Variants in SULT6B1 observed in about 807,000 individuals in gnomAD.
SULT6B1 encodes the protein sulfotransferase 6B1.
Under a neutral mutation model 37.2 loss-of-function variants are expected in SULT6B1, and 44 were observed. The observed-to-expected ratio is 1.18, with a 90% CI of 0.93 to 1.52. The LOEUF is 1.52. SULT6B1 is among the 40% of genes most tolerant of loss of function. SULT6B1 has a pLI of 0.00. For synonymous variants in SULT6B1, 140 were observed against 126.0 expected (o/e 1.11, Z -0.74); for missense variants, 450 against 361.0 (o/e 1.25, Z -2.00).
intron 4 of SULT6B1, among the ~76,000 whole-genome samples, chr2:37,177,619 C>A (rs1676460441): frequency 6.6e-6 from 1 of 151,980 alleles, no homozygotes; most frequent in Non-Finnish European, 1.5e-5. Context: ...TTATGAGCAT[C>A]TTGAGATCTA....
At chr2:37,178,195 A>T (rs1187213411) in intron 4 of SULT6B1, among the ~76,000 whole-genome samples, 2 of 151,992 alleles carry the variant, frequency 1.3e-5, no homozygotes, top group Non-Finnish European at 2.9e-5. Context: ...CAGGCATGAG[A>T]CACCATGCCT....
At chr2:37,186,213 C>G (rs1676669730) in intron 2 of SULT6B1, among the ~76,000 whole-genome samples, 1 of 152,182 alleles carries the variant, frequency 6.6e-6, no homozygotes, top group South Asian at 2.1e-4. Context: ...TGAGTTCTCT[C>G]TGCCTGTTGG....
chr2:37,168,656 T>C (rs1676232793), intron 6 of SULT6B1, among the ~76,000 whole-genome samples: 1 of 152,204 alleles, frequency 6.6e-6, no homozygotes, highest in Non-Finnish European at 1.5e-5. Context: ...AATGATATTT[T>C]TCTCTGTAAA....
chr2:37,171,296 G>A, intron 6 of SULT6B1, 138 bp downstream of exon 6: 5 of 955,130 alleles, frequency 5.2e-6, no homozygotes, highest in African/African-American at 5.0e-5. Flanking sequence ...CAGCTCTGGA[G>A]AGCCTGTGTC....
At chr2:37,187,811 T>C (rs915564510) in intron 1 of SULT6B1, among the ~76,000 whole-genome samples, 2 of 152,196 alleles carry the variant, frequency 1.3e-5, no homozygotes, top group Non-Finnish European at 2.9e-5. Context: ...AATTAATATG[T>C]ATTTTCTACA....
At chr2:37,170,812 A>G (rs1676279786) in intron 6 of SULT6B1, among the ~76,000 whole-genome samples, 1 of 151,796 alleles carries the variant, frequency 6.6e-6, no homozygotes, top group Non-Finnish European at 1.5e-5. Context: ...CACTCAGCTA[A>G]TACGATTCTG....
At chr2:37,193,829 A>G (rs1006895023) in intron 1 of SULT6B1, among the ~76,000 whole-genome samples, 3 of 152,186 alleles carry the variant, frequency 2.0e-5, no homozygotes, top group Admixed American at 6.5e-5. Flanking sequence ...GAGAACTAGC[A>G]CATCTTTCTA....
At chr2:37,175,395 T>C (rs2148288260) in intron 4 of SULT6B1, among the ~76,000 whole-genome samples, 169 bp from the exon 5 acceptor site, 1 of 152,310 alleles carries the variant, frequency 6.6e-6, no homozygotes, top group South Asian at 2.1e-4. Flanking sequence ...AGTCCCATTG[T>C]CTAAATTTCT....
At chr2:37,193,157 A>T (rs533383714), upstream of SULT6B1, among the ~76,000 whole-genome samples, 1 of 152,244 alleles carries the variant, frequency 6.6e-6, no homozygotes, top group African/African-American at 2.4e-5. Context: ...TGGGAGGCTT[A>T]TTTAAAGTTT....
intron 2 of SULT6B1, among the ~76,000 whole-genome samples, chr2:37,185,459 G>A (rs567272985): frequency 6.6e-6 from 1 of 152,264 alleles, no homozygotes; most frequent in South Asian, 2.1e-4. Flanking sequence ...GCTCATGCCT[G>A]TAATCCCAGC....
chr2:37,183,326 T>C, intron 3 of SULT6B1, 99 bp downstream of exon 3: 1 of 920,554 alleles, frequency 1.1e-6, no homozygotes, highest in South Asian at 1.8e-5. Context: ...GTTCATTTAT[T>C]AAGCTTCTAT....
chr2:37,174,993 T>C lies in SULT6B1; in HGVS notation c.624+139A>G, dbSNP rs537069426. ...ATGTATGCATGGTTTGAATTTTCTTTTCCAGCACTGTACCATATATCTGGA... is the reference window on the plus strand; with the variant it reads ...ATGTATGCATGGTTTGAATTTTCTTCTCCAGCACTGTACCATATATCTGGA... On this transcript the variant is annotated intron_variant, in intron 5 of 6. Coordinates refer to ENST00000535679, the MANE Select transcript of SULT6B1 (RefSeq NM_001367551.1). The C allele has an allele frequency of 4.0e-5, 18 of 451,268 alleles. No individual in the cohort carries two copies. In the Admixed American group the frequency reaches 6.0e-4, roughly 15 times the overall value. 28.0% of individuals were successfully genotyped at this position (451,268 alleles called of 1,614,324 possible). A position where few individuals can be genotyped will look rare whatever the true frequency, so the allele number is the denominator to read the frequency against.
intron 2 of SULT6B1, among the ~76,000 whole-genome samples, chr2:37,184,265 T>C (rs1357122809): frequency 4.6e-5 from 7 of 152,212 alleles, no homozygotes; most frequent in African/African-American, 1.7e-4. Flanking sequence ...TTTAACCAGC[T>C]AAAACTCTAG....
At chr2:37,189,837 C>T (rs1047435934), upstream of SULT6B1, 3 of 152,184 alleles carry the variant, frequency 2.0e-5, no homozygotes, top group African/African-American at 4.8e-5. Flanking sequence ...GTGGCTAAAA[C>T]AGTAAGTTGA....
At chr2:37,168,094 G>C (rs753325891) in intron 6 of SULT6B1, 29 bp from the exon 7 acceptor site, 2 of 1,545,772 alleles carry the variant, frequency 1.3e-6, no homozygotes, top group Non-Finnish European at 8.7e-7. Flanking sequence ...AGTAGACCCA[G>C]ATATCTGTTA....
chr2:37,173,552 A>G (rs1676351686), intron 5 of SULT6B1, among the ~76,000 whole-genome samples: 1 of 152,174 alleles, frequency 6.6e-6, no homozygotes, highest in African/African-American at 2.4e-5. Context: ...TAATGTGTCC[A>G]AAACCAAACC....
intron 2 of SULT6B1, among the ~76,000 whole-genome samples, chr2:37,186,518 G>C (rs1298738044): frequency 1.3e-5 from 2 of 152,136 alleles, no homozygotes; most frequent in Admixed American, 1.3e-4. Flanking sequence ...ACACACATCA[G>C]TGGCGTACTC....
chr2:37,179,498 G>A lies in SULT6B1; in HGVS notation c.489C>T (p.Gly163=). 6.2e-7 allele frequency: 1 copy of A among 1,613,844 alleles called. No individual in the cohort carries two copies. The highest frequency in any genetic ancestry group is 8.5e-7 in the Non-Finnish European group (1 of 1,179,846). The part of the protein sequence containing the change: ...HNDVPDIPSY[G]SWDEFFRQFM... ...ACTGTCTGAAGAATTCATCCCAAGA[G>A]CCATAGCTTGGAATATCGGGGACAT... Residue 163 remains glycine, a synonymous_variant, in exon 4 of 7, where the codon GGC becomes GGT. Transcript: ENST00000535679.
chr2:37,177,167 A>G (rs572791558), intron 4 of SULT6B1, among the ~76,000 whole-genome samples: 2 of 152,294 alleles, frequency 1.3e-5, no homozygotes, highest in East Asian at 3.9e-4. Flanking sequence ...ATCATTTGCA[A>G]CAACACGGAG....
Sources: gnomAD v4.1 joint callset for allele counts (sites outside exome capture counted in the v4.1 genomes callset) on GRCh38, gnomAD v4.1.1 for gene constraint, MANE v1.5 for transcripts, NCBI Gene and HGNC (gene_info 2026-07-23, HGNC 2026-07-21) for gene names.